Variants in TPR observed in about 807,000 individuals in gnomAD.
TPR encodes nucleoprotein TPR.
A neutral mutation model predicts 316.1 loss-of-function variants in TPR; 51 were observed. The ratio of observed to expected loss-of-function variants is 0.16; its 90% CI spans 0.13 to 0.20. TPR has a LOEUF of 0.20. Ranked by LOEUF, TPR falls within the 10% of genes least tolerant of loss-of-function variation. The pLI, the probability that TPR is intolerant of heterozygous loss-of-function variation, is 1.00. For missense variants in TPR, 2,272 were observed against 2,754.8 expected, an observed-to-expected ratio of 0.82 and a Z score of 3.92; for synonymous variants, 981 against 914.7, an observed-to-expected ratio of 1.07 and a Z score of -1.31.
intron 11 of TPR, 94 bp downstream of exon 11, chr1:186,360,179 T>A (rs188376017): frequency 1.4e-6 from 2 of 1,439,978 alleles, no homozygotes; most frequent in East Asian, 4.7e-5. Context: ...ATAAGATGAT[T>A]TTAAAAATAA....
rs1315058861 is a variant in TPR at position 186,350,122 on chromosome 1, T to C, written c.2776+101A>G. The C allele has an allele frequency of 5.3e-6, 6 of 1,131,750 alleles. No individual in the cohort carries two copies. In the African/African-American group the frequency reaches 9.7e-5, roughly 18 times the overall value. The allele number at this position is 1,131,750 out of a possible 1,614,324, so 70.1% of individuals were successfully genotyped here. A position where few individuals can be genotyped will look rare whatever the true frequency, so the allele number is the denominator to read the frequency against. On this transcript the variant is annotated intron_variant, in intron 21 of 50. Coordinates refer to ENST00000367478, the MANE Select transcript of TPR (RefSeq NM_003292.3). Reference sequence around the variant, plus strand: ...TTTTTTTGTGTTTGTTTCATTTTACTAGCATTCACAAAGAATTAGGCTATT... The same window carrying C: ...TTTTTTTGTGTTTGTTTCATTTTACCAGCATTCACAAAGAATTAGGCTATT...
chr1:186,355,849 C>T (rs1659012940), intron 15 of TPR, 81 bp from the exon 16 acceptor site: 1 of 1,486,710 alleles, frequency 6.7e-7, no homozygotes. Flanking sequence ...TGCAAATACA[C>T]TATTATCAAA....
chr1:186,344,675 AAAAGT>A (rs1245067803), intron 24 of TPR, 97 bp from the exon 25 acceptor site: 13 of 885,186 alleles, frequency 1.5e-5, no homozygotes, highest in African/African-American at 6.9e-5. Flanking sequence ...TTTAAATAAT[AAAAGT>A]AAAGACAATC....
chr1:186,352,254 C>T (rs1658884239), intron 18 of TPR, 144 bp from the exon 19 acceptor site: 1 of 689,864 alleles, frequency 1.4e-6, no homozygotes, highest in Non-Finnish European at 2.1e-6. Flanking sequence ...TAAGGAAATA[C>T]AAAACAGTTT....
At chr1:186,315,998 C>A (rs956035569) in intron 49 of TPR, among the ~76,000 whole-genome samples, 1 of 150,848 alleles carries the variant, frequency 6.6e-6, no homozygotes, top group Non-Finnish European at 1.5e-5. Flanking sequence ...ATTTGTTGAC[C>A]AAATGAATAC....
At position 186,363,197 on chromosome 1, in the gene TPR, A is replaced by C. The variant is rs1230332587; in HGVS notation, c.531+145T>G. On this transcript the variant is annotated intron_variant, in intron 5 of 50. Transcript: ENST00000367478. ...CAAACAAGCAAAACAGATGAACTAG[A>C]ATTGTCCTAATGCTTAATTTTCTGA... 3.2e-6 allele frequency: 3 copies of C among 941,204 alleles called. No individual in the cohort carries two copies. In the Admixed American group the frequency reaches 8.7e-5, roughly 27 times the overall value. 58.3% of individuals were successfully genotyped at this position (941,204 alleles called of 1,614,324 possible). A position where few individuals can be genotyped will look rare whatever the true frequency, so the allele number is the denominator to read the frequency against.
intron 39 of TPR, among the ~76,000 whole-genome samples, chr1:186,328,593 A>C (rs1449869519): frequency 6.6e-6 from 1 of 152,180 alleles, no homozygotes; most frequent in East Asian, 1.9e-4. Flanking sequence ...TTTAAACAGA[A>C]GGTTTTCCCA....
intron 37 of TPR, among the ~76,000 whole-genome samples, chr1:186,332,834 G>C (rs939871565): frequency 6.6e-6 from 1 of 152,042 alleles, no homozygotes; most frequent in Non-Finnish European, 1.5e-5. Context: ...AAAATAACTG[G>C]AGGGGGAGAA....
At position 186,362,328 on chromosome 1, in the gene TPR, A is replaced by C; in HGVS notation, c.749T>G (p.Leu250Arg). Residue 250 changes from leucine to arginine, a missense_variant, in exon 7 of 51, where the codon CTT becomes CGT. Leu to Arg is a moderately radical substitution (Grantham distance 102, BLOSUM62 -2). This residue lies in a region of TPR where 549 missense variants were observed against 598.6 expected (regional missense o/e 0.92). Transcript: ENST00000367478. Reference protein sequence around the residue: ...MNGLKTSNEHLQKHVEDLLTK... With the variant: ...MNGLKTSNEHRQKHVEDLLTK... ...CAACAGATCCTCCACATGCTTTTGAAGATGTTCATTTGATGTTTTTAAGCC... is the reference window on the plus strand; with the variant it reads ...CAACAGATCCTCCACATGCTTTTGACGATGTTCATTTGATGTTTTTAAGCC... The C allele has an allele frequency of 6.2e-7, 1 of 1,612,510 alleles. No individual in the cohort carries two copies. Among genetic ancestry groups the C allele is most frequent in the Non-Finnish European group, 8.5e-7 (1 of 1,178,928 alleles).
chr1:186,322,186 C>T (rs1657794060), intron 45 of TPR, 132 bp downstream of exon 45: 4 of 805,664 alleles, frequency 5.0e-6, no homozygotes, highest in African/African-American at 1.8e-5. Flanking sequence ...AACTGACCTA[C>T]CCCAAGTACT....
At chr1:186,351,954 C>T in intron 19 of TPR, 22 bp downstream of exon 19, 1 of 1,571,910 alleles carries the variant, frequency 6.4e-7, no homozygotes, top group African/African-American at 1.4e-5. Context: ...ATTTTTTCTA[C>T]ATAGGCTTTT....
In TPR at chr1:186,328,262, T is replaced by C. The variant is rs1227068192; in HGVS notation, c.5689-602A>G. On this transcript the variant is annotated intron_variant, in intron 39 of 50. Coordinates refer to ENST00000367478, the MANE Select transcript of TPR (RefSeq NM_003292.3). ...TGCATTCAAAACTACTAGCGTGATA[T>C]CGCGTATCAGTGCTGTGAGACAGGA... 1.3e-5 allele frequency among the ~76,000 whole-genome samples: 2 copies of C among 152,164 alleles called. 1 individual carries two copies. The highest frequency in any genetic ancestry group is 2.9e-5 in the Non-Finnish European group (2 of 68,030).
intron 2 of TPR, among the ~76,000 whole-genome samples, chr1:186,371,774 CATTAA>C (rs1434265158): frequency 6.6e-6 from 1 of 152,124 alleles, no homozygotes; most frequent in African/African-American, 2.4e-5. Context: ...AAAAAATCCC[CATTAA>C]ATGTGTCTAA....
intron 3 of TPR, among the ~76,000 whole-genome samples, chr1:186,369,062 T>C (rs979146267): frequency 3.3e-5 from 5 of 152,326 alleles, no homozygotes; most frequent in African/African-American, 9.6e-5. Flanking sequence ...GTTGACCATA[T>C]GTTTGGATTT....
chr1:186,338,144 T>A lies in TPR; in HGVS notation c.4251A>T (p.Leu1417Phe). ...RTEKETIQKD[L>F]DAKIIDIQEK... ...CTTGGATATCAATTATTTTGGCATC[T>A]AAGTCCTTCTGGATGGTTTCCTTTT... The change falls in exon 31 of 51, where the codon TTA becomes TTT. Residue 1417 changes from leucine (L) to phenylalanine (F), a missense_variant. By Grantham distance (22) the Leu-to-Phe change is conservative. Around this residue, in one of 10 missense-constraint regions of TPR, gnomAD observed 96 missense variants for 134.6 expected, o/e 0.71. Coordinates refer to ENST00000367478, the MANE Select transcript of TPR (RefSeq NM_003292.3). 6.2e-7 allele frequency: 1 copy of A among 1,613,060 alleles called. No individual in the cohort carries two copies. Among genetic ancestry groups the A allele is most frequent in the Non-Finnish European group, 8.5e-7 (1 of 1,179,504 alleles).
At chr1:186,374,608 T>G (rs750901659) in intron 1 of TPR, among the ~76,000 whole-genome samples, 2 of 152,184 alleles carry the variant, frequency 1.3e-5, no homozygotes, top group Admixed American at 6.5e-5. Flanking sequence ...TCAAGTCTGT[T>G]TCCCGTCTGC....
Position 186,375,211 on chromosome 1 carries a change from C to A in TPR, c.-183G>T. ...CCTGGGAAATCGAGTCCACCCTCAG[C>A]GGCAGCGTTTCAGCAACAGCACCTC... On this transcript the variant is annotated 5_prime_UTR_variant, in exon 1 of 51. Coordinates refer to ENST00000367478, the MANE Select transcript of TPR (RefSeq NM_003292.3). The A allele has an allele frequency of 1.3e-6, 2 of 1,495,176 alleles. No individual in the cohort carries two copies. The highest frequency in any genetic ancestry group is 1.8e-6 in the Non-Finnish European group (2 of 1,120,610). 92.6% of individuals were successfully genotyped at this position (1,495,176 alleles called of 1,614,324 possible).
chr1:186,368,825 G>A (rs952050590), intron 3 of TPR, among the ~76,000 whole-genome samples: 1 of 151,888 alleles, frequency 6.6e-6, no homozygotes, highest in Non-Finnish European at 1.5e-5. Flanking sequence ...TCATTACCAA[G>A]GCCAATGTCA....
chr1:186,322,629 A>G, intron 43 of TPR, 43 bp from the exon 44 acceptor site: 1 of 1,598,518 alleles, frequency 6.3e-7, no homozygotes, highest in Non-Finnish European at 8.6e-7. Flanking sequence ...TTAAGAAATG[A>G]GGCAATGAAA....
Sources: gnomAD v4.1 joint callset for allele counts (sites outside exome capture counted in the v4.1 genomes callset) on GRCh38, gnomAD v4.1.1 for gene constraint, gnomAD v4.1.1 regional missense constraint, MANE v1.5 for transcripts, NCBI Gene and HGNC (gene_info 2026-07-23, HGNC 2026-07-21) for gene names.